The following SLC2A13 variants were observed in gnomAD, a reference collection of about 807,000 sequenced individuals.
The protein encoded by SLC2A13 is proton myo-inositol cotransporter.
In SLC2A13, 32 loss-of-function variants were observed where a neutral mutation model predicts 64.4. The ratio of observed to expected loss-of-function variants is 0.50; its 90% confidence interval spans 0.37 to 0.67. The LOEUF is 0.67. Ranked by LOEUF, SLC2A13 falls within the 30% of genes least tolerant of loss-of-function variation. The pLI, the probability that SLC2A13 is intolerant of heterozygous loss-of-function variation, is 0.00. For synonymous variants in SLC2A13, 338 were observed against 327.1 expected, an observed-to-expected ratio of 1.03 and a Z score of -0.36; for missense variants, 743 against 829.2, an observed-to-expected ratio of 0.90 and a Z score of 1.28.
chr12:40,033,528 G>A (rs1300059048), intron 2 of SLC2A13, among the ~76,000 whole-genome samples: 1 of 152,180 alleles, frequency 6.6e-6, no homozygotes, highest in Non-Finnish European at 1.5e-5. Context: ...GAACTGCTAG[G>A]AGGAAATGGA....
intron 4 of SLC2A13, among the ~76,000 whole-genome samples, chr12:39,897,510 G>A (rs1366757832): frequency 6.6e-6 from 1 of 152,134 alleles, no homozygotes; most frequent in East Asian, 1.9e-4. Context: ...CTAATTCAAA[G>A]GTTAGGCACC....
At chr12:39,812,920 C>T (rs551071647) in intron 7 of SLC2A13, among the ~76,000 whole-genome samples, 1 of 146,540 alleles carries the variant, frequency 6.8e-6, no homozygotes, top group South Asian at 2.2e-4. Flanking sequence ...ACCTCTGCCT[C>T]CTGGGTTCAA....
At chr12:39,892,630 A>C (rs891140006) in intron 4 of SLC2A13, among the ~76,000 whole-genome samples, 4 of 152,306 alleles carry the variant, frequency 2.6e-5, no homozygotes, top group Non-Finnish European at 5.9e-5. Flanking sequence ...ATTCTTATGA[A>C]TCTGCCACAC....
chr12:40,031,798 T>C lies in SLC2A13; in HGVS notation c.717-3289A>G, dbSNP rs545463919. The stretch of plus-strand genomic sequence containing the variant: ...AGAATAGGAAAGATAAATAAGAGGC[T>C]GTTTTGCTGTGGTACTAATAAAAAT... On this transcript the variant is annotated intron_variant, in intron 2 of 9. Transcript: ENST00000280871. Among the ~76,000 whole-genome samples, 4 of 152,262 alleles carry C rather than the reference T, an allele frequency of 2.6e-5. No homozygotes were observed. The South Asian group carries it at 8.3e-4, about 32-fold the overall frequency.
intron 7 of SLC2A13, among the ~76,000 whole-genome samples, chr12:39,827,607 G>T (rs1476861102): frequency 3.3e-5 from 5 of 152,170 alleles, no homozygotes; most frequent in Non-Finnish European, 5.9e-5. Flanking sequence ...CATGTTGGAG[G>T]TGTAGGGGGA....
chr12:39,777,719 C>T lies in SLC2A13; in HGVS notation c.1446-12861G>A, dbSNP rs181487183. 8.3e-4 allele frequency among the ~76,000 whole-genome samples: 126 copies of T among 152,306 alleles called. 3 individuals carry two copies. In the South Asian group the frequency reaches 0.013, roughly 16 times the overall value. On this transcript the variant is annotated intron_variant, in intron 7 of 9. Coordinates refer to ENST00000280871, the MANE Select transcript of SLC2A13 (RefSeq NM_052885.4). ...GTGGCTGGCCGTCGAGAGGAACGCA[C>T]CAACAGGCATCGGCATGCCAGCAGG...
At chr12:39,833,419 T>C (rs1942916471) in intron 6 of SLC2A13, among the ~76,000 whole-genome samples, 1 of 152,036 alleles carries the variant, frequency 6.6e-6, no homozygotes, top group African/African-American at 2.4e-5. Context: ...TCAACATTCA[T>C]TCCCCACTGA....
intron 6 of SLC2A13, among the ~76,000 whole-genome samples, chr12:39,855,294 T>TC (rs1943578600): frequency 6.6e-6 from 1 of 152,262 alleles, no homozygotes; most frequent in African/African-American, 2.4e-5. Context: ...TATAACAAGT[T>TC]TATTTTTAAA....
At chr12:40,022,407 T>C (rs905431214) in intron 3 of SLC2A13, among the ~76,000 whole-genome samples, 1 of 152,256 alleles carries the variant, frequency 6.6e-6, no homozygotes, top group Admixed American at 6.5e-5. Flanking sequence ...TCTGGGTTGC[T>C]ACTTCTCCTA....
intron 1 of SLC2A13, among the ~76,000 whole-genome samples, chr12:40,076,985 C>T (rs1051266621): frequency 2.2e-4 from 34 of 151,970 alleles, no homozygotes; most frequent in African/African-American, 7.5e-4. Context: ...ATGTCCTTTG[C>T]CCATTTTTTA....
intron 2 of SLC2A13, among the ~76,000 whole-genome samples, chr12:40,047,126 T>A (rs1317914182): frequency 6.6e-6 from 1 of 152,142 alleles, no homozygotes; most frequent in Non-Finnish European, 1.5e-5. Context: ...GGTCTCAAAC[T>A]CCTGACCTCA....
intron 4 of SLC2A13, among the ~76,000 whole-genome samples, chr12:39,934,802 T>C (rs1469276646): frequency 1.3e-5 from 2 of 152,140 alleles, no homozygotes; most frequent in Admixed American, 6.5e-5. Context: ...TTCTCTAAGG[T>C]TTAATCTGTC....
chr12:40,075,196 TAA>T (rs1025579820), intron 1 of SLC2A13, among the ~76,000 whole-genome samples: 1 of 152,206 alleles, frequency 6.6e-6, no homozygotes, highest in South Asian at 2.1e-4. Context: ...GTGAAATTCA[TAA>T]GAGTGGAAGA....
At chr12:39,850,003 T>C (rs1332527744) in intron 6 of SLC2A13, among the ~76,000 whole-genome samples, 2 of 152,284 alleles carry the variant, frequency 1.3e-5, no homozygotes, top group East Asian at 3.9e-4. Flanking sequence ...TCTTTCCTCA[T>C]TTTTCTTGAA....
At chr12:40,070,880 T>C (rs1390106439) in intron 1 of SLC2A13, among the ~76,000 whole-genome samples, 1 of 152,180 alleles carries the variant, frequency 6.6e-6, no homozygotes, top group Non-Finnish European at 1.5e-5. Context: ...AGTCATTATC[T>C]CATTTGAAGC....
chr12:39,937,945 A>G lies in SLC2A13; in HGVS notation c.1034+13312T>C, dbSNP rs1490542148. ...TACTATAACATGTACAAGCTAGAAG[A>G]ACACCATCATGATTCTTTCCTGAAT... On this transcript the variant is annotated intron_variant, in intron 4 of 9. Transcript: ENST00000280871. Among the ~76,000 whole-genome samples, 6 of 152,182 alleles carry G rather than the reference A, an allele frequency of 3.9e-5. No homozygotes were observed. In the East Asian group the frequency reaches 1.2e-3, roughly 29 times the overall value.
At chr12:39,935,219 A>G (rs1254044221) in intron 4 of SLC2A13, among the ~76,000 whole-genome samples, 2 of 152,174 alleles carry the variant, frequency 1.3e-5, no homozygotes, top group African/African-American at 4.8e-5. Context: ...GCAAGACCCC[A>G]TTCTCCTCAA....
At chr12:39,961,450 A>T (rs1396226530) in intron 3 of SLC2A13, among the ~76,000 whole-genome samples, 3 of 152,156 alleles carry the variant, frequency 2.0e-5, no homozygotes, top group African/African-American at 7.2e-5. Flanking sequence ...CCTTAAACAG[A>T]TTTAGGAAGT....
intron 3 of SLC2A13, among the ~76,000 whole-genome samples, chr12:39,964,145 A>T (rs952579233): frequency 1.3e-5 from 2 of 152,218 alleles, no homozygotes; most frequent in African/African-American, 2.4e-5. Flanking sequence ...TATATATATA[A>T]AAATGAACTG....
Sources: gnomAD v4.1 joint callset for allele counts (sites outside exome capture counted in the v4.1 genomes callset) on GRCh38, gnomAD v4.1.1 for gene constraint, MANE v1.5 for transcripts, NCBI Gene and HGNC (gene_info 2026-07-23, HGNC 2026-07-21) for gene names.